DISC1: variants seen among roughly 807,000 people sequenced by gnomAD.
DISC1 encodes the protein DISC1 scaffold protein.
Under a neutral mutation model 84.5 loss-of-function variants are expected in DISC1, and 57 were observed. That is an observed-to-expected ratio of 0.67 (90% CI 0.55 to 0.84). The LOEUF (loss-of-function observed/expected upper bound fraction) is 0.84, where lower values mean the gene tolerates loss of function less well. DISC1 is among the 40% of genes least tolerant of loss of function. The probability of loss-of-function intolerance (pLI) is 0.00; values close to 1 mark genes in which losing one functional copy is unlikely to be tolerated. For synonymous variants in DISC1, 411 were observed against 415.2 expected (o/e 0.99, Z 0.12); for missense variants, 1,000 against 1,057.8 (o/e 0.95, Z 0.76).
chr1:231,909,229 G>A (rs2088970001), intron 9 of DISC1, among the ~76,000 whole-genome samples: 1 of 152,146 alleles, frequency 6.6e-6, no homozygotes, highest in Non-Finnish European at 1.5e-5. Flanking sequence ...TGGTGAGAGA[G>A]GGCATCCCTG....
chr1:231,697,715 C>T (rs750942429), intron 2 of DISC1, among the ~76,000 whole-genome samples: 1 of 150,780 alleles, frequency 6.6e-6, no homozygotes, highest in Non-Finnish European at 1.5e-5. Context: ...CTCCAAGGTA[C>T]TGGGATTACA....
intron 8 of DISC1, chr1:231,815,135 ATATT>A (rs751907112): frequency 4.6e-5 from 7 of 151,896 alleles, no homozygotes; most frequent in South Asian, 2.1e-4. Flanking sequence ...TTAATGTTAT[ATATT>A]TATTTATTGT....
chr1:231,664,977 C>G (rs1406752160), intron 1 of DISC1, among the ~76,000 whole-genome samples: 1 of 151,892 alleles, frequency 6.6e-6, no homozygotes, highest in South Asian at 2.1e-4. Context: ...TTATCATTTA[C>G]TACCATAAAA....
chr1:231,653,092 G>A lies in DISC1; in HGVS notation c.67+26158G>A. 1.3e-5 allele frequency among the ~76,000 whole-genome samples: 2 copies of A among 152,168 alleles called. 1 individual carries two copies. The highest frequency in any genetic ancestry group is 2.9e-5 in the Non-Finnish European group (2 of 68,022). On this transcript the variant is annotated intron_variant, in intron 1 of 12. Transcript: ENST00000439617. ...CTGTGCCCGGCCTAATGGTTACACA[G>A]TATTCCATGCTGACACCATAATTTA...
In DISC1 at chr1:231,628,817, C is replaced by T. The variant is rs139906008; in HGVS notation, c.67+1883C>T. Among the ~76,000 whole-genome samples, 260 of 152,294 alleles carry T rather than the reference C, an allele frequency of 1.7e-3. 2 individuals are homozygous for T. The highest frequency in any genetic ancestry group is 6.1e-3 in the African/African-American group (252 of 41,560). ...AGTGCAGTGGCACAATCATGGCTCA[C>T]TGTAGCCTTGAACTCCTGGGCTCAA... On this transcript the variant is annotated intron_variant, in intron 1 of 12. Transcript: ENST00000439617.
intron 5 of DISC1, among the ~76,000 whole-genome samples, chr1:231,767,577 G>A (rs970705679): frequency 6.6e-6 from 1 of 152,178 alleles, no homozygotes; most frequent in Non-Finnish European, 1.5e-5. Context: ...GATTACAGGC[G>A]TGAGCCACTG....
chr1:231,742,249 G>A (rs201950108), intron 3 of DISC1, among the ~76,000 whole-genome samples: 1 of 152,144 alleles, frequency 6.6e-6, no homozygotes, highest in Non-Finnish European at 1.5e-5. Context: ...TATCCAATTA[G>A]TGAATAGGGG....
chr1:232,035,437 C>T (rs1392747324), intron 12 of DISC1, among the ~76,000 whole-genome samples: 1 of 152,178 alleles, frequency 6.6e-6, no homozygotes, highest in East Asian at 1.9e-4. Flanking sequence ...AAGTGCAAAA[C>T]TCTGTCTCAA....
chr1:232,022,660 G>A (rs1232667858), intron 11 of DISC1, among the ~76,000 whole-genome samples: 2 of 152,054 alleles, frequency 1.3e-5, no homozygotes, highest in African/African-American at 4.8e-5. Flanking sequence ...GATTTCTTTG[G>A]ACAGAACAGA....
In DISC1 at chr1:231,872,041, G is replaced by A. The variant is rs147183009; in HGVS notation, c.1981+53524G>A. ...CTCTGCCAGGCAGAGGCCCTCAGCC[G>A]TGCACTGGGACAGTTCTGTGGGCAG... On this transcript the variant is annotated intron_variant, in intron 9 of 12. Coordinates refer to ENST00000439617, the MANE Select transcript of DISC1 (RefSeq NM_018662.3). Among the ~76,000 whole-genome samples, 272 of 152,310 alleles carry A rather than the reference G, an allele frequency of 1.8e-3. 1 individual carries two copies. Among genetic ancestry groups the A allele is most frequent in the Non-Finnish European group, 3.3e-3 (227 of 68,024 alleles).
Position 231,929,377 on chromosome 1 carries a change from G to A in DISC1, c.1982-29451G>A, listed in dbSNP as rs1007751081. On this transcript the variant is annotated intron_variant, in intron 9 of 12. Transcript: ENST00000439617. The stretch of plus-strand genomic sequence containing the variant: ...CAAAATATGGAAATCCTGTCCCTGA[G>A]TAGTCTTGTTCACAATACACAATCT... Among the ~76,000 whole-genome samples, 3 of 152,146 alleles carry A rather than the reference G, an allele frequency of 2.0e-5. No homozygotes were observed. The South Asian group carries it at 6.2e-4, about 32-fold the overall frequency.
intron 11 of DISC1, among the ~76,000 whole-genome samples, chr1:232,021,541 A>C (rs2103029984): frequency 6.6e-6 from 1 of 152,284 alleles, no homozygotes; most frequent in Non-Finnish European, 1.5e-5. Flanking sequence ...CCCCTCCCTG[A>C]GAGAAGTCTG....
At position 231,954,531 on chromosome 1, in the gene DISC1, A is replaced by C. The variant is rs1027888581; in HGVS notation, c.1982-4297A>C. Among the ~76,000 whole-genome samples the C allele has an allele frequency of 6.6e-6, 1 of 152,206 alleles. No homozygotes were observed. The highest frequency in any genetic ancestry group is 1.5e-5 in the Non-Finnish European group (1 of 68,036). ...AATGTGTTCCTGCTTCTTCCTGATC[A>C]GGAAGGGGGTCTGCAGTCCTCTGGT... is the stretch of plus-strand genomic sequence containing the variant. On this transcript the variant is annotated intron_variant, in intron 9 of 12. Coordinates refer to ENST00000439617, the MANE Select transcript of DISC1 (RefSeq NM_018662.3). The surrounding 1 kb of genome is among the most constrained non-coding windows in gnomAD (Gnocchi z 4.8).
At chr1:231,987,075 C>T (rs573312288) in intron 10 of DISC1, among the ~76,000 whole-genome samples, 102 of 152,306 alleles carry the variant, frequency 6.7e-4, no homozygotes, top group East Asian at 3.9e-4. Context: ...CAATCGTTCT[C>T]CCTACGTCAA....
At chr1:231,647,350 C>G (rs1238692984) in intron 1 of DISC1, among the ~76,000 whole-genome samples, 1 of 152,072 alleles carries the variant, frequency 6.6e-6, no homozygotes, top group Non-Finnish European at 1.5e-5. Context: ...TTTTTGTCAG[C>G]TTTGTCAAAG....
At chr1:231,768,918 G>C (rs956906425) in intron 5 of DISC1, among the ~76,000 whole-genome samples, 1 of 152,180 alleles carries the variant, frequency 6.6e-6, no homozygotes, top group Non-Finnish European at 1.5e-5. Context: ...ATTTCTGCAA[G>C]AGGATCCTGC....
chr1:231,899,151 T>C (rs932605228), intron 9 of DISC1, among the ~76,000 whole-genome samples: 4 of 152,122 alleles, frequency 2.6e-5, no homozygotes, highest in African/African-American at 9.7e-5. Context: ...CAGACTAGTT[T>C]CCAAAAAGTC....
intron 9 of DISC1, among the ~76,000 whole-genome samples, chr1:231,884,352 G>C (rs1298693533): frequency 6.6e-6 from 1 of 152,180 alleles, no homozygotes; most frequent in Non-Finnish European, 1.5e-5. Flanking sequence ...GCAGTATTTG[G>C]TTTTCTGTTA....
At chr1:231,703,249 T>C (rs2066626654) in intron 3 of DISC1, among the ~76,000 whole-genome samples, 1 of 152,212 alleles carries the variant, frequency 6.6e-6, no homozygotes, top group Admixed American at 6.5e-5. Context: ...CAGTCCTCCT[T>C]CTACAGGCCA....
Sources: allele counts gnomAD v4.1 joint callset (sites outside exome capture counted in the v4.1 genomes callset), GRCh38; gene constraint gnomAD v4.1.1; non-coding constraint Gnocchi (gnomAD v3.1); transcripts MANE v1.5; gene names NCBI Gene and HGNC (gene_info 2026-07-23, HGNC 2026-07-21).